ANKRD33B: variants seen among roughly 807,000 people sequenced by gnomAD.
The protein encoded by ANKRD33B is ankyrin repeat domain 33B.
ANKRD33B carries 6 observed loss-of-function variants against 21.5 expected under a neutral mutation model. The observed-to-expected ratio is 0.28, with a 90% CI of 0.15 to 0.55. The LOEUF (loss-of-function observed/expected upper bound fraction) is 0.55. ANKRD33B is among the 20% of genes least tolerant of loss of function. ANKRD33B has a pLI of 0.94. For missense variants in ANKRD33B, 698 were observed against 747.2 expected (o/e 0.93, Z 0.77); for synonymous variants, 347 against 342.4 (o/e 1.01, Z -0.15).
Position 10,638,179 on chromosome 5 carries a change from C to T in ANKRD33B, c.637+11C>T. On this transcript the variant is annotated intron_variant, in intron 3 of 3. Transcript: ENST00000296657. ...CCCTGATGCTAGCAGGTATGTCCAC[C>T]TGTCCTGTGCAGCTTCCAGGGGCCC... The T allele has an allele frequency of 6.5e-7, 1 of 1,536,716 alleles. No homozygotes were observed.
At chr5:10,592,072 TGGTGTG>T (rs1439942546) in intron 1 of ANKRD33B, among the ~76,000 whole-genome samples, 1 of 46,498 alleles carries the variant, frequency 2.2e-5, no homozygotes, top group Non-Finnish European at 4.4e-5. Flanking sequence ...TTTGATTTTA[TGGTGTG>T]TGTGTGTGTG....
At chr5:10,607,868 C>T (rs1221463375) in intron 1 of ANKRD33B, among the ~76,000 whole-genome samples, 1 of 152,110 alleles carries the variant, frequency 6.6e-6, no homozygotes, top group Non-Finnish European at 1.5e-5. Flanking sequence ...TGAGTGCCTC[C>T]TAGCAGCAGT....
intron 1 of ANKRD33B, among the ~76,000 whole-genome samples, chr5:10,587,981 G>A (rs961221935): frequency 2.0e-5 from 3 of 152,008 alleles, no homozygotes; most frequent in Non-Finnish European, 2.9e-5. Context: ...GTATATTATT[G>A]GTATGTTATT....
chr5:10,592,738 C>T (rs1221170582), intron 1 of ANKRD33B, among the ~76,000 whole-genome samples: 1 of 152,140 alleles, frequency 6.6e-6, no homozygotes, highest in African/African-American at 2.4e-5. Context: ...CTGTCTCTTG[C>T]CACTGTTCCC....
intron 1 of ANKRD33B, among the ~76,000 whole-genome samples, chr5:10,583,414 A>G (rs947186821): frequency 6.6e-6 from 1 of 152,196 alleles, no homozygotes; most frequent in African/African-American, 2.4e-5. Flanking sequence ...TTTTGGTTCT[A>G]ATAATCCTTT....
rs780021888 is a variant in ANKRD33B, at chr5:10,575,091, GAAACAAACAAAC to G, written c.366+10273_366+10284del. On this transcript the variant is annotated intron_variant, in intron 1 of 3. Coordinates refer to ENST00000296657, the MANE Select transcript of ANKRD33B (RefSeq NM_001164440.2). ...TGACACAATGAAACCCTGTTTCCAA[GAAACAAACAAAC>G]AAACAAACAAACAATTCTCACTTAA... Among the ~76,000 whole-genome samples the G allele has an allele frequency of 5.5e-4, 28 of 51,096 alleles. 8 individuals carry two copies. Among genetic ancestry groups the G allele is most frequent in the Admixed American group, 1.6e-3 (5 of 3,178 alleles). 33.5% of individuals were successfully genotyped at this position (51,096 alleles called of 152,430 possible).
chr5:10,634,685 G>A (rs1051932745), intron 2 of ANKRD33B, among the ~76,000 whole-genome samples: 4 of 151,002 alleles, frequency 2.6e-5, no homozygotes, highest in Non-Finnish European at 4.4e-5. Flanking sequence ...TGAACTCCTG[G>A]CCTCAAGTGA....
intron 1 of ANKRD33B, among the ~76,000 whole-genome samples, chr5:10,568,947 C>T (rs1735115643): frequency 6.6e-6 from 1 of 152,126 alleles, no homozygotes; most frequent in Non-Finnish European, 1.5e-5. Context: ...GTGGGTGTTT[C>T]CCTTTACTCT....
chr5:10,636,982 A>G (rs908019385), intron 2 of ANKRD33B, among the ~76,000 whole-genome samples: 2 of 152,204 alleles, frequency 1.3e-5, no homozygotes, highest in Admixed American at 6.5e-5. Flanking sequence ...GGATCTGCCT[A>G]GTGTCCTGCA....
At chr5:10,604,576 T>A (rs924007228) in intron 1 of ANKRD33B, among the ~76,000 whole-genome samples, 2 of 151,478 alleles carry the variant, frequency 1.3e-5, no homozygotes, top group Non-Finnish European at 2.9e-5. Context: ...GGGAGTATAG[T>A]GAAGTCCAGA....
At chr5:10,621,373 AT>A (rs1396014368) in intron 2 of ANKRD33B, among the ~76,000 whole-genome samples, 9 of 152,206 alleles carry the variant, frequency 5.9e-5, no homozygotes, top group African/African-American at 1.7e-4. Context: ...AGAAAAAAAA[AT>A]ATTTAAAAAA....
intron 2 of ANKRD33B, among the ~76,000 whole-genome samples, chr5:10,633,847 G>A (rs1211089986): frequency 6.6e-6 from 1 of 152,178 alleles, no homozygotes; most frequent in East Asian, 1.9e-4. Flanking sequence ...GCCCGATAAA[G>A]GGCTGATGGG....
At chr5:10,607,390 A>G (rs745695456) in intron 1 of ANKRD33B, among the ~76,000 whole-genome samples, 1 of 152,186 alleles carries the variant, frequency 6.6e-6, no homozygotes, top group Non-Finnish European at 1.5e-5. Context: ...AAGGTGGCAC[A>G]TCGTCCACCG....
chr5:10,585,177 C>T lies in ANKRD33B; in HGVS notation c.366+20344C>T, dbSNP rs80265800. Among the ~76,000 whole-genome samples, 189 of 152,300 alleles carry T rather than the reference C, an allele frequency of 1.2e-3. 1 individual carries two copies. The East Asian group carries it at 0.03, about 24-fold the overall frequency. ...CAGTGGTAAGTGAGAGCTCTGCTGGCGTCGTGTTGAAGTTTGGTCCTCTTT... is the reference window on the plus strand; with the variant it reads ...CAGTGGTAAGTGAGAGCTCTGCTGGTGTCGTGTTGAAGTTTGGTCCTCTTT... On this transcript the variant is annotated intron_variant, in intron 1 of 3. Transcript: ENST00000296657.
chr5:10,569,458 T>C lies in ANKRD33B; in HGVS notation c.366+4625T>C, dbSNP rs1371540620. Among the ~76,000 whole-genome samples the C allele has an allele frequency of 9.9e-5, 15 of 152,074 alleles. No homozygotes were observed. The East Asian group carries it at 2.9e-3, about 29-fold the overall frequency. Reference sequence around the variant, plus strand: ...AAAAAATACCAAAATTAGGCAGGCATGGTGGTGGACGCCTGTAGTCCCAGC... The same window carrying C: ...AAAAAATACCAAAATTAGGCAGGCACGGTGGTGGACGCCTGTAGTCCCAGC... On this transcript the variant is annotated intron_variant, in intron 1 of 3. Transcript: ENST00000296657.
chr5:10,629,154 G>A (rs1736647553), intron 2 of ANKRD33B, among the ~76,000 whole-genome samples: 5 of 152,204 alleles, frequency 3.3e-5, no homozygotes, highest in Admixed American at 3.3e-4. Flanking sequence ...CCCTGTTGGT[G>A]TCACCGTGCT....
chr5:10,566,124 C>T (rs1735050611), intron 1 of ANKRD33B, among the ~76,000 whole-genome samples: 1 of 152,174 alleles, frequency 6.6e-6, no homozygotes, highest in Admixed American at 6.5e-5. Flanking sequence ...TGGGTGGGGA[C>T]ACAGCCAAAC....
rs767472550 is a variant in ANKRD33B at position 10,650,156 on chromosome 5, C to CT, written c.*43_*44insT. The CT allele has an allele frequency of 6.0e-5, 84 of 1,409,554 alleles. No homozygotes were observed. The highest frequency in any genetic ancestry group is 7.4e-5 in the Non-Finnish European group (80 of 1,081,094). The allele number at this position is 1,409,554 out of a possible 1,614,324, so 87.3% of individuals were successfully genotyped here. A position where few individuals can be genotyped will look rare whatever the true frequency, so the allele number is the denominator to read the frequency against. ...GCTGGGGCCGGGGCTGGGGCCGGGG[C>CT]GGGGCCGCAGGGCTGGGCGCGGAGA... is the stretch of plus-strand genomic sequence containing the variant. On this transcript the variant is annotated 3_prime_UTR_variant, in exon 4 of 4. Transcript: ENST00000296657.
intron 1 of ANKRD33B, among the ~76,000 whole-genome samples, chr5:10,617,998 C>T (rs1048307644): frequency 5.3e-5 from 8 of 152,198 alleles, no homozygotes; most frequent in African/African-American, 1.7e-4. Flanking sequence ...TTTACCCCAT[C>T]GCCGTCTGCC....
Sources: allele counts gnomAD v4.1 joint callset (sites outside exome capture counted in the v4.1 genomes callset), GRCh38; gene constraint gnomAD v4.1.1; transcripts MANE v1.5; gene names NCBI Gene and HGNC (gene_info 2026-07-23, HGNC 2026-07-21).